Variants in CACNB2 observed in about 807,000 individuals in gnomAD.
CACNB2 encodes the protein calcium voltage-gated channel auxiliary subunit beta 2, also known as voltage-dependent L-type calcium channel subunit beta-2.
Under a neutral mutation model 73.3 loss-of-function variants are expected in CACNB2, and 42 were observed. That is an observed-to-expected ratio of 0.57 (90% CI 0.45 to 0.74). The LOEUF is 0.74. CACNB2 is among the 30% of genes least tolerant of loss of function. The pLI is 0.00. For synonymous variants in CACNB2, 348 were observed against 310.3 expected, an observed-to-expected ratio of 1.12 and a Z score of -1.28; for missense variants, 940 against 853.0, an observed-to-expected ratio of 1.10 and a Z score of -1.27.
intron 3 of CACNB2, among the ~76,000 whole-genome samples, chr10:18,417,918 A>G (rs1564526244): frequency 7.4e-6 from 1 of 135,882 alleles, no homozygotes; most frequent in Non-Finnish European, 1.7e-5. Flanking sequence ...CCTATTCGTA[A>G]GGGGAAAAAA....
At chr10:18,281,285 G>A (rs1354912779) in intron 2 of CACNB2, among the ~76,000 whole-genome samples, 3 of 152,126 alleles carry the variant, frequency 2.0e-5, no homozygotes, top group African/African-American at 7.2e-5. Context: ...ACAAAAAGAG[G>A]TCACACTCAA....
chr10:18,471,609 G>A (rs1374920380), intron 3 of CACNB2, among the ~76,000 whole-genome samples: 1 of 152,122 alleles, frequency 6.6e-6, no homozygotes, highest in Non-Finnish European at 1.5e-5. Flanking sequence ...GTCTAAAATT[G>A]GAGCAGAAAT....
chr10:18,185,345 G>T (rs2034100750), intron 2 of CACNB2, among the ~76,000 whole-genome samples: 1 of 152,204 alleles, frequency 6.6e-6, no homozygotes, highest in Non-Finnish European at 1.5e-5. Context: ...AGAATCAGAT[G>T]AGTTAAATTG....
Position 18,514,297 on chromosome 10 carries a change from C to G in CACNB2, c.732C>G (p.Arg244=). The G allele has an allele frequency of 1.2e-6, 2 of 1,614,122 alleles. No homozygotes were observed. The highest frequency in any genetic ancestry group is 1.7e-6 in the Non-Finnish European group (2 of 1,179,990). ...AEENDIPANH[R]SPKPSANSVT... is the part of the protein sequence containing the mutation. ...AAAATGATATTCCAGCAAACCACCG[C>G]TCCCCTAAACCCAGTGCAAACAGTG... Residue 244 remains arginine (R), a synonymous_variant, in exon 7 of 14, where the codon CGC becomes CGG. Coordinates refer to ENST00000324631, the MANE Select transcript of CACNB2 (RefSeq NM_201596.3).
rs765929062 is a variant in CACNB2 at position 18,539,618 on chromosome 10, G to A, written c.1877G>A (p.Ser626Asn). Reference sequence around the variant, plus strand: ...CACAACGAGTGCAACAAGCAGCGCAGCCGTCATAAATCCAAGGATCGCTAC... The same window carrying A: ...CACAACGAGTGCAACAAGCAGCGCAACCGTCATAAATCCAAGGATCGCTAC... ...QDHNECNKQR[S>N]RHKSKDRYCE... The change falls in exon 14 of 14, where the codon AGC becomes AAC. Residue 626 changes from serine to asparagine, a missense_variant. Ser to Asn is a conservative substitution (Grantham distance 46, BLOSUM62 1). Coordinates refer to ENST00000324631, the MANE Select transcript of CACNB2 (RefSeq NM_201596.3). 1.2e-6 allele frequency: 2 copies of A among 1,613,764 alleles called. No individual in the cohort carries two copies. The highest frequency in any genetic ancestry group is 2.2e-5 in the South Asian group (2 of 91,068).
chr10:18,404,486 A>G (rs186826318), intron 3 of CACNB2, among the ~76,000 whole-genome samples: 47 of 152,314 alleles, frequency 3.1e-4, no homozygotes, highest in Admixed American at 9.2e-4. Flanking sequence ...AATTCATGCT[A>G]TTTAACTTTA....
rs1471039239 is a variant in CACNB2, at chr10:18,140,723, C to A, written c.-14C>A. On this transcript the variant is annotated 5_prime_UTR_variant, in exon 1 of 14. Transcript: ENST00000324631. Reference sequence around the variant, plus strand: ...CGGGGGCTGGCTGCTTCGCTCCGAGCCGACTTTTCGCCAATGGTCCAAAGG... The same window carrying A: ...CGGGGGCTGGCTGCTTCGCTCCGAGACGACTTTTCGCCAATGGTCCAAAGG... 1.3e-6 allele frequency: 2 copies of A among 1,587,222 alleles called. No homozygotes were observed. Among genetic ancestry groups the A allele is most frequent in the South Asian group, 2.3e-5 (2 of 87,168 alleles).
At chr10:18,532,978 A>G (rs1192960380) in intron 10 of CACNB2, 2 of 152,258 alleles carry the variant, frequency 1.3e-5, no homozygotes, top group East Asian at 3.9e-4. Flanking sequence ...TAGGTAAAAA[A>G]AAAAGGACTC....
intron 2 of CACNB2, among the ~76,000 whole-genome samples, chr10:18,239,123 T>C (rs2036555164): frequency 6.6e-6 from 1 of 152,224 alleles, no homozygotes; most frequent in Non-Finnish European, 1.5e-5. Context: ...TTGCTTAAAG[T>C]GTTGAACAAA....
At chr10:18,224,562 C>T (rs929953478) in intron 2 of CACNB2, among the ~76,000 whole-genome samples, 2 of 152,234 alleles carry the variant, frequency 1.3e-5, no homozygotes, top group East Asian at 1.9e-4. Flanking sequence ...TCATTTTACC[C>T]CAAGTTAGTT....
chr10:18,461,827 T>A (rs1443941333), intron 3 of CACNB2, among the ~76,000 whole-genome samples: 1 of 134,942 alleles, frequency 7.4e-6, no homozygotes, highest in African/African-American at 2.8e-5. Context: ...CCTCGAACAG[T>A]ATGAGTGGGA....
In CACNB2 at chr10:18,542,112, T is replaced by G. The variant is rs2054094197; in HGVS notation, c.*2388T>G. 6.6e-6 allele frequency: 1 copy of G among 152,086 alleles called. No individual in the cohort carries two copies. The highest frequency in any genetic ancestry group is 1.5e-5 in the Non-Finnish European group (1 of 68,010). The allele number at this position is 152,086 out of a possible 1,614,324, so 9.4% of individuals were successfully genotyped here. ...GGGAGGCTGAGATAGGAGGATCCCT[T>G]GAGCCCAGGAGGTGGAGGCTGCAGT... On this transcript the variant is annotated 3_prime_UTR_variant, in exon 14 of 14. Transcript: ENST00000324631.
chr10:18,283,656 C>A (rs2038655935), intron 2 of CACNB2, among the ~76,000 whole-genome samples: 1 of 115,618 alleles, frequency 8.6e-6, no homozygotes, highest in African/African-American at 3.4e-5. Context: ...ACGTCACACA[C>A]TGGGGCCTGT....
chr10:18,511,891 C>A (rs2050812574), intron 6 of CACNB2, among the ~76,000 whole-genome samples: 1 of 152,166 alleles, frequency 6.6e-6, no homozygotes, highest in South Asian at 2.1e-4. Flanking sequence ...CTCACTTACG[C>A]AGGAGGAGTA....
At chr10:18,143,683 T>C (rs929577438) in intron 1 of CACNB2, among the ~76,000 whole-genome samples, 1 of 152,188 alleles carries the variant, frequency 6.6e-6, no homozygotes, top group Admixed American at 6.5e-5. Context: ...TCCATCTCTC[T>C]GTTTGGGCAG....
At position 18,271,009 on chromosome 10, in the gene CACNB2, A is replaced by G. The variant is rs148528049; in HGVS notation, c.213+120034A>G. On this transcript the variant is annotated intron_variant, in intron 2 of 13. Transcript: ENST00000324631. ...TTTGGGGGATGGGGGTAATGCTCTC[A>G]GTCAGTCTATGAAGCTTCCCCTAGA... 5.3e-3 allele frequency among the ~76,000 whole-genome samples: 810 copies of G among 152,222 alleles called. 9 individuals carry two copies. The highest frequency in any genetic ancestry group is 0.019 in the African/African-American group (784 of 41,534).
chr10:18,275,182 A>G (rs2038227417), intron 2 of CACNB2, among the ~76,000 whole-genome samples: 1 of 152,210 alleles, frequency 6.6e-6, no homozygotes, highest in Non-Finnish European at 1.5e-5. Flanking sequence ...AGAAAATGGC[A>G]GCAGCTCAGA....
chr10:18,285,989 G>A (rs901101155), intron 2 of CACNB2, among the ~76,000 whole-genome samples: 3 of 152,102 alleles, frequency 2.0e-5, no homozygotes, highest in African/African-American at 7.2e-5. Flanking sequence ...CAATCATGTG[G>A]GAACACAGTT....
chr10:18,481,192 CTATATATATATATATATATATA>C (rs145814788), intron 3 of CACNB2, among the ~76,000 whole-genome samples: 882 of 36,692 alleles, frequency 0.024, 13 homozygotes, highest in Middle Eastern at 0.067. Flanking sequence ...TACATCTTCG[CTATATATATATATATATATATA>C]TATATATATA....
Sources: allele counts gnomAD v4.1 joint callset (sites outside exome capture counted in the v4.1 genomes callset), GRCh38; gene constraint gnomAD v4.1.1; transcripts MANE v1.5; gene names NCBI Gene and HGNC (gene_info 2026-07-23, HGNC 2026-07-21).